Variants in LARGE1 observed in about 807,000 individuals in gnomAD.
LARGE1 encodes the protein LARGE xylosyl- and glucuronyltransferase 1.
LARGE1 carries 43 observed loss-of-function variants against 87.6 expected under a neutral mutation model. The ratio of observed to expected loss-of-function variants is 0.49; its 90% CI spans 0.38 to 0.63. LARGE1 has a LOEUF of 0.63. Ranked by LOEUF, LARGE1 falls within the 30% of genes least tolerant of loss-of-function variation. The pLI, the probability that LARGE1 is intolerant of heterozygous loss-of-function variation, is 0.00. For synonymous variants in LARGE1, 434 were observed against 394.6 expected (o/e 1.10, Z -1.18); for missense variants, 802 against 1,000.2 (o/e 0.80, Z 2.67).
chr22:33,512,667 G>A (rs1260098892), intron 6 of LARGE1, among the ~76,000 whole-genome samples: 1 of 152,136 alleles, frequency 6.6e-6, no homozygotes, highest in Non-Finnish European at 1.5e-5. Flanking sequence ...GCCGGGAGTG[G>A]TGGCAGGCGC....
chr22:33,888,293 A>G (rs1257584199), intron 1 of LARGE1, among the ~76,000 whole-genome samples: 1 of 152,238 alleles, frequency 6.6e-6, no homozygotes, highest in Non-Finnish European at 1.5e-5. Context: ...AAAGTCTTAC[A>G]GAACATCCAT....
At chr22:33,682,322 G>A (rs746932206) in intron 2 of LARGE1, among the ~76,000 whole-genome samples, 2 of 152,162 alleles carry the variant, frequency 1.3e-5, no homozygotes, top group Admixed American at 6.5e-5. Context: ...CCTTGGGATG[G>A]CAAGACACTA....
At chr22:33,616,480 C>T (rs1013382121) in intron 4 of LARGE1, among the ~76,000 whole-genome samples, 3 of 150,746 alleles carry the variant, frequency 2.0e-5, no homozygotes, top group Middle Eastern at 3.4e-3. Context: ...TGCAGTGAGC[C>T]GAGATCACAC....
At chr22:33,245,257 G>C (rs915253973) in intron 11 of LARGE1, among the ~76,000 whole-genome samples, 2 of 152,202 alleles carry the variant, frequency 1.3e-5, no homozygotes, top group Non-Finnish European at 2.9e-5. Context: ...TGTTTAATGA[G>C]AGGAATGGGC....
At chr22:33,541,033 G>C (rs1422509121) in intron 6 of LARGE1, among the ~76,000 whole-genome samples, 1 of 119,884 alleles carries the variant, frequency 8.3e-6, no homozygotes, top group Non-Finnish European at 1.7e-5. Context: ...AGCTACTCAT[G>C]GTGGCTGGGG....
chr22:33,347,953 G>A (rs756326475), intron 9 of LARGE1, among the ~76,000 whole-genome samples: 2 of 152,150 alleles, frequency 1.3e-5, no homozygotes, highest in Non-Finnish European at 2.9e-5. Context: ...AATGAAGAAG[G>A]CTGGATGAAA....
intron 6 of LARGE1, among the ~76,000 whole-genome samples, chr22:33,526,474 T>C (rs1311879771): frequency 2.0e-5 from 3 of 152,256 alleles, no homozygotes; most frequent in Admixed American, 6.5e-5. Context: ...ATTTATCAGA[T>C]GAAGAATCCT....
chr22:33,199,878 C>T, intron 11 of LARGE1, among the ~76,000 whole-genome samples: 1 of 150,264 alleles, frequency 6.7e-6, no homozygotes, highest in African/African-American at 2.5e-5. Context: ...GAGACGGAGT[C>T]TTACTCTGTC....
At chr22:33,116,455 C>T in the LARGE1 span, among the ~76,000 whole-genome samples, 27 of 152,096 alleles carry the variant, frequency 1.8e-4, no homozygotes, top group East Asian at 4.8e-3. Flanking sequence ...CCCGGGTTCA[C>T]GCCATTCTCC....
intron 9 of LARGE1, among the ~76,000 whole-genome samples, chr22:33,346,271 CTT>C (rs772713355): frequency 2.2e-4 from 32 of 147,628 alleles, no homozygotes; most frequent in Admixed American, 7.5e-4. Context: ...CTCTCTCTCT[CTT>C]TCTTTCCTCC....
At chr22:33,813,016 G>A (rs754606715) in intron 1 of LARGE1, among the ~76,000 whole-genome samples, 1 of 152,148 alleles carries the variant, frequency 6.6e-6, no homozygotes, top group East Asian at 1.9e-4. Context: ...TATTCTCTTA[G>A]TATTGGTTTA....
In LARGE1 at chr22:33,266,518, C is replaced by T. The variant is rs1033570377; in HGVS notation, c.1730+37711G>A. ...GGATTACAGGCATGAGCCACAGTGCCGAGCCAGGGCTCTTATTTAAAACCT... is the reference window on the plus strand; with the variant it reads ...GGATTACAGGCATGAGCCACAGTGCTGAGCCAGGGCTCTTATTTAAAACCT... On this transcript the variant is annotated intron_variant, in intron 11 of 11. Transcript: ENST00000608642. Among the ~76,000 whole-genome samples the T allele has an allele frequency of 3.3e-5, 5 of 151,726 alleles. No individual in the cohort carries two copies. In the South Asian group the frequency reaches 6.2e-4, roughly 19 times the overall value.
chr22:33,818,765 C>T (rs934609111), intron 1 of LARGE1, among the ~76,000 whole-genome samples: 2 of 152,144 alleles, frequency 1.3e-5, no homozygotes, highest in African/African-American at 4.8e-5. Context: ...GGTTGTTAAA[C>T]ACTTTAGACA....
At chr22:33,647,994 T>G (rs1444323693) in intron 3 of LARGE1, among the ~76,000 whole-genome samples, 1 of 152,154 alleles carries the variant, frequency 6.6e-6, no homozygotes, top group Non-Finnish European at 1.5e-5. Flanking sequence ...GTTGACCCTG[T>G]GATCCACCCA....
chr22:33,598,014 C>T (rs193062723), intron 5 of LARGE1, among the ~76,000 whole-genome samples: 26 of 152,240 alleles, frequency 1.7e-4, no homozygotes, highest in South Asian at 6.2e-4. Flanking sequence ...TCCCAGCAGG[C>T]CTTCCATGCA....
At chr22:33,129,497 C>T in the LARGE1 span, among the ~76,000 whole-genome samples, 1 of 152,106 alleles carries the variant, frequency 6.6e-6, no homozygotes. Flanking sequence ...TAATGTAAAG[C>T]ACGTTGTGCA....
At chr22:33,420,085 G>A (rs1368148054) in intron 7 of LARGE1, among the ~76,000 whole-genome samples, 1 of 152,206 alleles carries the variant, frequency 6.6e-6, no homozygotes, top group East Asian at 1.9e-4. Context: ...TCCTGGCTGT[G>A]ACAAGAAAAA....
At chr22:33,319,645 C>T (rs966771705) in intron 10 of LARGE1, among the ~76,000 whole-genome samples, 6 of 152,152 alleles carry the variant, frequency 3.9e-5, no homozygotes, top group South Asian at 4.2e-4. Context: ...GTCCACCCAC[C>T]GAACCCTCCC....
At chr22:33,326,848 G>A (rs1937286256) in intron 10 of LARGE1, among the ~76,000 whole-genome samples, 1 of 152,194 alleles carries the variant, frequency 6.6e-6, no homozygotes, top group South Asian at 2.1e-4. Flanking sequence ...AAAGCAGCCA[G>A]GCCACAAGGG....
Sources: gnomAD v4.1 joint callset for allele counts (sites outside exome capture counted in the v4.1 genomes callset) on GRCh38, gnomAD v4.1.1 for gene constraint, MANE v1.5 for transcripts, NCBI Gene and HGNC (gene_info 2026-07-23, HGNC 2026-07-21) for gene names.